ASPHD1: variants seen among roughly 807,000 people sequenced by gnomAD.
ASPHD1 encodes aspartate beta-hydroxylase domain-containing protein 1.
A neutral mutation model predicts 28.3 loss-of-function variants in ASPHD1; 20 were observed. The observed-to-expected ratio is 0.71, with a 90% confidence interval of 0.50 to 1.03. The LOEUF (loss-of-function observed/expected upper bound fraction) is 1.03. Ranked by LOEUF, ASPHD1 falls within the 50% of genes least tolerant of loss-of-function variation. ASPHD1 has a pLI of 0.00. For missense variants in ASPHD1, 479 were observed against 524.1 expected (o/e 0.91, Z 0.84); for synonymous variants, 240 against 221.2 (o/e 1.08, Z -0.75).
Position 29,900,945 on chromosome 16 carries a change from GAA to G in ASPHD1, c.-25_-24del. The G allele has an allele frequency of 6.5e-7, 1 of 1,543,912 alleles. No individual in the cohort carries two copies. The highest frequency in any genetic ancestry group is 1.4e-5 in the African/African-American group (1 of 72,830). On this transcript the variant is annotated 5_prime_UTR_variant, in exon 1 of 3. Transcript: ENST00000308748. ...GGTAGAAGGAGAGAGAAAGGGGAGA[GAA>G]AGGAGAGAGGAGGGTTGGAGGTGCA...
Position 29,901,914 on chromosome 16 carries a change from C to A in ASPHD1, c.943C>A (p.His315Asn). Residue 315 changes from histidine to asparagine, a missense_variant, in exon 1 of 3, where the codon CAT (histidine) becomes AAT (asparagine). Coordinates refer to ENST00000308748, the MANE Select transcript of ASPHD1 (RefSeq NM_181718.4). The surrounding 1 kb of genome is among the most constrained non-coding windows in gnomAD (Gnocchi z 5.1). Reference sequence around the variant, plus strand: ...GCCCACCAATGCCCGGGTCAGATGCCATCTGGGTAAGTAGCTGCCGCCTAC... The same window carrying A: ...GCCCACCAATGCCCGGGTCAGATGCAATCTGGGTAAGTAGCTGCCGCCTAC... ...CGPTNARVRC[H>N]LGLKIPPGCE... The A allele has an allele frequency of 6.7e-7, 1 of 1,488,806 alleles. No homozygotes were observed. Among genetic ancestry groups the A allele is most frequent in the South Asian group, 1.4e-5 (1 of 72,600 alleles). The allele number at this position is 1,488,806 out of a possible 1,614,324, so 92.2% of individuals were successfully genotyped here.
At chr16:29,911,385 C>A in intron 3 of ASPHD1, 1 of 578,814 alleles carries the variant, frequency 1.7e-6, no homozygotes, top group Non-Finnish European at 3.1e-6. Flanking sequence ...CACAGCACAG[C>A]AGCTCCAGTG....
intron 3 of ASPHD1, chr16:29,911,366 CCAGCA>C (rs750171107): frequency 2.3e-5 from 14 of 603,156 alleles, no homozygotes; most frequent in African/African-American, 3.7e-5. Flanking sequence ...TGAGCAAATC[CCAGCA>C]CAGCACAGCA....
chr16:29,909,894 G>A (rs1221812038), downstream of ASPHD1, among the ~76,000 whole-genome samples: 1 of 151,720 alleles, frequency 6.6e-6, no homozygotes, highest in African/African-American at 2.4e-5. Context: ...ACATGGCGAA[G>A]TCTCTACTAA....
rs749695199 is a variant in ASPHD1 at position 29,901,842 on chromosome 16, G to A, written c.871G>A (p.Gly291Ser). Residue 291 changes from glycine to serine, a missense_variant, in exon 1 of 3, where the codon GGC (glycine) becomes AGC (serine). Physicochemically the swap from Gly to Ser is moderately conservative, Grantham distance 56 (BLOSUM62 0). Transcript: ENST00000308748. The surrounding 1 kb of genome is among the most constrained non-coding windows in gnomAD (Gnocchi z 5.1). ...FMSANTFGNA[G>S]FSVLLPGARL... ...GAGTGCCAACACCTTCGGCAATGCC[G>A]GCTTTTCCGTTCTCCTGCCTGGGGC... is the stretch of plus-strand genomic sequence containing the variant. 2 of 1,546,824 alleles carry A rather than the reference G, an allele frequency of 1.3e-6. No homozygotes were observed. The highest frequency in any genetic ancestry group is 2.4e-5 in the South Asian group (2 of 82,000).
chr16:29,910,010 A>T (rs926160628), downstream of ASPHD1, among the ~76,000 whole-genome samples: 4 of 151,358 alleles, frequency 2.6e-5, no homozygotes, highest in Non-Finnish European at 4.4e-5. Flanking sequence ...GAGGCAGGAG[A>T]ATCACTTGAA....
chr16:29,912,563 C>T (rs2068734259), intron 3 of ASPHD1, among the ~76,000 whole-genome samples: 2 of 152,244 alleles, frequency 1.3e-5, no homozygotes, highest in Admixed American at 6.5e-5. Context: ...GCCTCAGCCT[C>T]CTGAGTAGCT....
At chr16:29,902,592 C>G (rs1295871419) in intron 1 of ASPHD1, among the ~76,000 whole-genome samples, 1 of 151,550 alleles carries the variant, frequency 6.6e-6, no homozygotes, top group Non-Finnish European at 1.5e-5. Context: ...ACTGCAAGCT[C>G]CACCTCCCGG....
chr16:29,908,683 CTTT>C (rs576706189), downstream of ASPHD1, among the ~76,000 whole-genome samples: 2 of 136,174 alleles, frequency 1.5e-5, no homozygotes. Flanking sequence ...CATGCCCGGC[CTTT>C]TTTTTTTTTT....
downstream of ASPHD1, chr16:29,919,777 C>T (rs1037402600): frequency 5.3e-5 from 8 of 152,012 alleles, no homozygotes; most frequent in South Asian, 2.1e-4. Flanking sequence ...ACACAGGAAA[C>T]GACCTGGAAG....
At chr16:29,908,902 C>T (rs1467036264), downstream of ASPHD1, among the ~76,000 whole-genome samples, 3 of 150,890 alleles carry the variant, frequency 2.0e-5, no homozygotes, top group East Asian at 1.9e-4. Context: ...GCTGTGTTGC[C>T]CAGGCTGGCC....
Position 29,901,493 on chromosome 16 carries a change from C to G in ASPHD1, c.522C>G (p.Gly174=), listed in dbSNP as rs772785818. The change falls in exon 1 of 3, where the codon GGC becomes GGG. Residue 174 remains glycine (G), a synonymous_variant. Coordinates refer to ENST00000308748, the MANE Select transcript of ASPHD1 (RefSeq NM_181718.4). The surrounding 1 kb of genome is among the most constrained non-coding windows in gnomAD (Gnocchi z 5.1). ...RVRRAAQGGP[G]PGRGPGVLGI... ...GGCGGGCAGCTCAGGGTGGCCCAGG[C>G]CCTGGGAGAGGGCCAGGGGTCCTAG... The G allele has an allele frequency of 1.3e-6, 2 of 1,599,334 alleles. No individual in the cohort carries two copies. Among genetic ancestry groups the G allele is most frequent in the Non-Finnish European group, 1.7e-6 (2 of 1,176,012 alleles).
chr16:29,912,175 TC>T, intron 3 of ASPHD1: 1 of 692,862 alleles, frequency 1.4e-6, no homozygotes. Context: ...CTCTGCAGGC[TC>T]CAAGCTCCGC....
chr16:29,908,549 C>T (rs1474034495), downstream of ASPHD1, among the ~76,000 whole-genome samples: 1 of 151,964 alleles, frequency 6.6e-6, no homozygotes, highest in Non-Finnish European at 1.5e-5. Flanking sequence ...TTATGCCCAG[C>T]TAATTTTTGG....
At chr16:29,906,454 G>A, downstream of ASPHD1, 1 of 461,140 alleles carries the variant, frequency 2.2e-6, no homozygotes. Flanking sequence ...ACAAAGTTAA[G>A]GAGGTAGGGA....
rs540247378 is a variant in ASPHD1 at position 29,902,570 on chromosome 16, C to T, written c.949+650C>T. Among the ~76,000 whole-genome samples, 36 of 152,344 alleles carry T rather than the reference C, an allele frequency of 2.4e-4. No individual in the cohort carries two copies. The East Asian group carries it at 6.6e-3, about 28-fold the overall frequency. Reference sequence around the variant, plus strand: ...TCGCCCAGGCGAGAGTGCAGTGGCACGATCTTGGCTCACTGCAAGCTCCAC... The same window carrying T: ...TCGCCCAGGCGAGAGTGCAGTGGCATGATCTTGGCTCACTGCAAGCTCCAC... On this transcript the variant is annotated intron_variant, in intron 1 of 2. Coordinates refer to ENST00000308748, the MANE Select transcript of ASPHD1 (RefSeq NM_181718.4).
chr16:29,911,330 G>A lies in ASPHD1; in HGVS notation c.*62+5371G>A. 1.1e-5 allele frequency: 7 copies of A among 628,394 alleles called. No individual in the cohort carries two copies. The South Asian group carries it at 1.4e-4, about 12-fold the overall frequency. The allele number at this position is 628,394 out of a possible 1,614,324, so 38.9% of individuals were successfully genotyped here. ...TCCACCCCTGGGGCCAGGCTAAACG[G>A]GTCTCAGAAGGGAAGCCACATGCGC... is the stretch of plus-strand genomic sequence containing the variant. On this transcript the variant is annotated intron_variant and NMD_transcript_variant, in intron 3 of 3. Coordinates refer to the ASPHD1 transcript ENST00000414952.
rs140892698 is a variant in ASPHD1, at chr16:29,900,898, CAG to C, written c.-71_-70del. Reference sequence around the variant, plus strand: ...GAGAAAGAAGAGGGTGAGGAGGCGACAGAGGGAGAGGAGGAAGAAGAGGTAGA... The same window carrying C: ...GAGAAAGAAGAGGGTGAGGAGGCGACAGGGAGAGGAGGAAGAAGAGGTAGA... On this transcript the variant is annotated 5_prime_UTR_variant, in exon 1 of 3. Coordinates refer to ENST00000308748, the MANE Select transcript of ASPHD1 (RefSeq NM_181718.4). The C allele has an allele frequency of 2.6e-4, 359 of 1,364,856 alleles. 1 individual carries two copies. Among genetic ancestry groups the C allele is most frequent in the Non-Finnish European group, 3.2e-4 (319 of 987,724 alleles). 84.5% of individuals were successfully genotyped at this position (1,364,856 alleles called of 1,614,324 possible).
chr16:29,913,291 T>G (rs998248280), intron 3 of ASPHD1: 4 of 152,130 alleles, frequency 2.6e-5, no homozygotes, highest in African/African-American at 9.7e-5. Context: ...CCCTGCCAGA[T>G]ATTAAGATAG....
Sources: allele counts gnomAD v4.1 joint callset (sites outside exome capture counted in the v4.1 genomes callset), GRCh38; gene constraint gnomAD v4.1.1; non-coding constraint Gnocchi (gnomAD v3.1); transcripts MANE v1.5; gene names NCBI Gene and HGNC (gene_info 2026-07-23, HGNC 2026-07-21).